The following PCDHGB4 variants were observed in gnomAD, a reference collection of about 807,000 sequenced individuals.
PCDHGB4 encodes protocadherin gamma-B4.
PCDHGB4 carries 38 observed loss-of-function variants against 60.5 expected under a neutral mutation model. The ratio of observed to expected loss-of-function variants is 0.63; its 90% confidence interval spans 0.48 to 0.82. The LOEUF is 0.82. PCDHGB4 is among the 40% of genes least tolerant of loss of function. PCDHGB4 has a pLI of 0.00. For missense variants in PCDHGB4, 1,109 were observed against 1,209.6 expected (o/e 0.92, Z 1.23); for synonymous variants, 456 against 509.7 (o/e 0.89, Z 1.42).
intron 2 of PCDHGB4, among the ~76,000 whole-genome samples, chr5:141,502,056 C>T (rs1163976282): frequency 1.3e-5 from 2 of 152,116 alleles, no homozygotes; most frequent in Non-Finnish European, 2.9e-5. Flanking sequence ...CTACTTTATT[C>T]CCATTAGCCC....
rs137901127 is a variant in PCDHGB4 at position 141,436,420 on chromosome 5, A to G, written c.2397+46139A>G. 1.4e-3 allele frequency among the ~76,000 whole-genome samples: 213 copies of G among 152,326 alleles called. 1 individual carries two copies. The highest frequency in any genetic ancestry group is 4.8e-3 in the African/African-American group (199 of 41,594). ...AGTTGTTGAATGAATGGATAAACAA[A>G]TAATGTACTCTGGGGATTACCTGAT... On this transcript the variant is annotated intron_variant, in intron 1 of 3. Coordinates refer to ENST00000519479, the MANE Select transcript of PCDHGB4 (RefSeq NM_003736.4).
rs372096658 is a variant in PCDHGB4, at chr5:141,405,073, C to T, written c.2397+14792C>T. On this transcript the variant is annotated intron_variant, in intron 1 of 3. Coordinates refer to ENST00000519479, the MANE Select transcript of PCDHGB4 (RefSeq NM_003736.4). The stretch of plus-strand genomic sequence containing the variant: ...TCGTCTCCTGTGTCTTCCTCACCTT[C>T]GTTATCACGCTGCTGGCCCTCAGGC... The T allele has an allele frequency of 1.1e-5, 17 of 1,613,880 alleles. No individual in the cohort carries two copies. In the East Asian group the frequency reaches 1.3e-4, roughly 13 times the overall value.
rs1485715812 is a variant in PCDHGB4, at chr5:141,485,804, G to T, written c.2398-9003G>T. The T allele has an allele frequency of 6.2e-7, 1 of 1,614,218 alleles. No individual in the cohort carries two copies. The highest frequency in any genetic ancestry group is 1.7e-5 in the Admixed American group (1 of 60,026). ...AGAGAAGCAATCGGACTACCGCCTG[G>T]TGCTGACTGCTGTCGATGGAGGGAA... On this transcript the variant is annotated intron_variant, in intron 1 of 3. Coordinates refer to ENST00000519479, the MANE Select transcript of PCDHGB4 (RefSeq NM_003736.4). This position sits in a 1 kb window ranked among gnomAD's most constrained non-coding sequence, Gnocchi z 5.7.
intron 2 of PCDHGB4, among the ~76,000 whole-genome samples, chr5:141,503,886 T>G (rs150106838): frequency 8.2e-4 from 125 of 152,290 alleles, no homozygotes; most frequent in African/African-American, 2.9e-3. Flanking sequence ...TCACCCACCA[T>G]GACAAAATAT....
intron 1 of PCDHGB4, chr5:141,417,757 G>A: frequency 7.0e-7 from 1 of 1,435,144 alleles, no homozygotes; most frequent in Non-Finnish European, 9.2e-7. Flanking sequence ...CCAGCTCCGA[G>A]ACCCGGGACT....
chr5:141,409,106 A>T (rs1474106494), intron 1 of PCDHGB4: 1 of 1,613,930 alleles, frequency 6.2e-7, no homozygotes, highest in East Asian at 2.2e-5. Context: ...AGGTATGATT[A>T]AGAATAACCA....
chr5:141,487,013 C>T lies in PCDHGB4; in HGVS notation c.2398-7794C>T. ...GGTTTCCTATCAGCTCCTGGAGGCC[C>T]CAGATCCCAGCCTGTTTGCAGTCTC... On this transcript the variant is annotated intron_variant, in intron 1 of 3. Coordinates refer to ENST00000519479, the MANE Select transcript of PCDHGB4 (RefSeq NM_003736.4). The surrounding 1 kb of genome is among the most constrained non-coding windows in gnomAD (Gnocchi z 5.0). The T allele has an allele frequency of 1.2e-6, 2 of 1,614,220 alleles. No individual in the cohort carries two copies. Among genetic ancestry groups the T allele is most frequent in the Non-Finnish European group, 1.7e-6 (2 of 1,180,040 alleles).
Position 141,489,343 on chromosome 5 carries a change from G to A in PCDHGB4, c.2398-5464G>A, listed in dbSNP as rs377697321. On this transcript the variant is annotated intron_variant, in intron 1 of 3. Coordinates refer to ENST00000519479, the MANE Select transcript of PCDHGB4 (RefSeq NM_003736.4). This position sits in a 1 kb window ranked among gnomAD's most constrained non-coding sequence, Gnocchi z 4.5. ...GGTGTCTGGGCAGCTTCGTTACTCA[G>A]TGGTGGAGGAGTCTGAGCCGGGGAC... The A allele has an allele frequency of 5.6e-6, 9 of 1,611,264 alleles. No individual in the cohort carries two copies. Among genetic ancestry groups the A allele is most frequent in the Non-Finnish European group, 7.6e-6 (9 of 1,178,202 alleles).
At chr5:141,474,847 GC>G (rs1357496937) in intron 1 of PCDHGB4, among the ~76,000 whole-genome samples, 1 of 152,198 alleles carries the variant, frequency 6.6e-6, no homozygotes, top group East Asian at 1.9e-4. Context: ...CACTTTACCT[GC>G]CTTCTTCATT....
chr5:141,465,611 C>T (rs1393170181), intron 1 of PCDHGB4, among the ~76,000 whole-genome samples: 1 of 152,178 alleles, frequency 6.6e-6, no homozygotes, highest in African/African-American at 2.4e-5. Context: ...CTCTTTGGCC[C>T]TCCAGGAAGT....
At chr5:141,423,049 C>T (rs1418805817) in intron 1 of PCDHGB4, 3 of 1,614,094 alleles carry the variant, frequency 1.9e-6, no homozygotes, top group East Asian at 2.2e-5. Flanking sequence ...GCTGTCCTAT[C>T]GCCTGCTTAA....
At chr5:141,393,017 C>T (rs1192044321) in intron 1 of PCDHGB4, 2 of 1,613,754 alleles carry the variant, frequency 1.2e-6, no homozygotes, top group Non-Finnish European at 1.7e-6. Context: ...GTATCGTCTC[C>T]AGAGGTAGGA....
At chr5:141,435,954 G>A (rs1163590812) in intron 1 of PCDHGB4, among the ~76,000 whole-genome samples, 2 of 152,092 alleles carry the variant, frequency 1.3e-5, no homozygotes, top group African/African-American at 2.4e-5. Flanking sequence ...AAAAAAGGGG[G>A]CAAAATATAG....
intron 2 of PCDHGB4, among the ~76,000 whole-genome samples, chr5:141,504,926 TGGTG>T (rs1312481961): frequency 1.3e-5 from 2 of 151,946 alleles, no homozygotes; most frequent in Non-Finnish European, 2.9e-5. Context: ...GGCTCTCTCA[TGGTG>T]GGTGGGGGAA....
intron 1 of PCDHGB4, among the ~76,000 whole-genome samples, chr5:141,456,862 C>T (rs1385304686): frequency 6.6e-6 from 1 of 152,086 alleles, no homozygotes; most frequent in Non-Finnish European, 1.5e-5. Context: ...AATTGGGAGG[C>T]TGAGGCAGGA....
intron 1 of PCDHGB4, chr5:141,417,739 C>T: frequency 6.4e-6 from 9 of 1,411,706 alleles, no homozygotes; most frequent in Non-Finnish European, 5.6e-6. Flanking sequence ...GCCCAGCACA[C>T]CAGATTGCCA....
intron 1 of PCDHGB4, among the ~76,000 whole-genome samples, chr5:141,464,436 TTTG>T (rs1043492514): frequency 1.1e-4 from 17 of 151,396 alleles, no homozygotes; most frequent in Non-Finnish European, 1.9e-4. Flanking sequence ...GATATATATG[TTTG>T]TTGTTGTTGT....
chr5:141,394,444 G>A (rs2093001580), intron 1 of PCDHGB4: 1 of 1,614,228 alleles, frequency 6.2e-7, no homozygotes, highest in Non-Finnish European at 8.5e-7. Context: ...CCCCTCAGCA[G>A]CAACATGTCA....
At chr5:141,468,560 T>G (rs571224791) in intron 1 of PCDHGB4, 1 of 152,004 alleles carries the variant, frequency 6.6e-6, no homozygotes, top group Non-Finnish European at 1.5e-5. Flanking sequence ...ATTTGTGATA[T>G]AGTAAACAAT....
Sources: gnomAD v4.1 joint callset for allele counts (sites outside exome capture counted in the v4.1 genomes callset) on GRCh38, gnomAD v4.1.1 for gene constraint, Gnocchi (gnomAD v3.1) non-coding constraint, MANE v1.5 for transcripts, NCBI Gene and HGNC (gene_info 2026-07-23, HGNC 2026-07-21) for gene names.